The following ERC2 variants were observed in gnomAD, a reference collection of about 807,000 sequenced individuals.
The protein encoded by ERC2 is ELKS/RAB6-interacting/CAST family member 2.
ERC2 carries 42 observed loss-of-function variants against 114.8 expected under a neutral mutation model. The ratio of observed to expected loss-of-function variants is 0.37; its 90% CI spans 0.29 to 0.47. The LOEUF is 0.47. ERC2 is among the 20% of genes least tolerant of loss of function. The probability of loss-of-function intolerance (pLI) is 0.99; values close to 1 mark genes in which losing one functional copy is unlikely to be tolerated. For missense variants in ERC2, 939 were observed against 1,150.7 expected, an observed-to-expected ratio of 0.82 and a Z score of 2.66; for synonymous variants, 454 against 425.5, an observed-to-expected ratio of 1.07 and a Z score of -0.82.
intron 3 of ERC2, among the ~76,000 whole-genome samples, chr3:56,267,067 A>AT (rs950803354): frequency 1.5e-4 from 22 of 151,510 alleles, no homozygotes; most frequent in African/African-American, 3.1e-4. Flanking sequence ...TGGATTTCTG[A>AT]TTTTTTTTTC....
rs565268171 is a variant in ERC2 at position 55,573,172 on chromosome 3, G to A, written c.*40-61896C>T. Among the ~76,000 whole-genome samples, 7 of 152,092 alleles carry A rather than the reference G, an allele frequency of 4.6e-5. 1 individual carries two copies. The South Asian group carries it at 8.3e-4, about 18-fold the overall frequency. On this transcript the variant is annotated intron_variant, in intron 17 of 17. Transcript: ENST00000288221. ...ACAGGACATAACACAGAAAGATGTC[G>A]GTAAGAAATGGGCTTTGGTATGGAA...
At chr3:55,721,594 A>T (rs1363172513) in intron 15 of ERC2, among the ~76,000 whole-genome samples, 2 of 152,224 alleles carry the variant, frequency 1.3e-5, no homozygotes, top group Admixed American at 6.5e-5. Flanking sequence ...GAGCTGCCCA[A>T]GGTTTCTCAG....
At chr3:56,258,577 C>T (rs1247501426) in intron 3 of ERC2, among the ~76,000 whole-genome samples, 2 of 152,204 alleles carry the variant, frequency 1.3e-5, no homozygotes, top group African/African-American at 2.4e-5. Flanking sequence ...TGGCGTGAAC[C>T]CGGGAGGCGG....
chr3:56,285,866 AAGG>A, intron 3 of ERC2, among the ~76,000 whole-genome samples: 1 of 152,276 alleles, frequency 6.6e-6, no homozygotes, highest in Non-Finnish European at 1.5e-5. Flanking sequence ...TTAAAAAGAG[AAGG>A]AGGAGGAGGA....
At chr3:55,776,574 C>T (rs367979315) in intron 14 of ERC2, among the ~76,000 whole-genome samples, 1 of 152,048 alleles carries the variant, frequency 6.6e-6, no homozygotes, top group Non-Finnish European at 1.5e-5. Context: ...AAGAAATAGG[C>T]GTGAGTTACT....
At chr3:56,176,474 A>T (rs116607006) in intron 3 of ERC2, among the ~76,000 whole-genome samples, 1,861 of 152,310 alleles carry the variant, frequency 0.012, 17 homozygotes, top group Non-Finnish European at 0.022. Flanking sequence ...TCTCTTTGCT[A>T]TAATTATACA....
At chr3:56,151,417 T>C (rs2149957894) in intron 4 of ERC2, among the ~76,000 whole-genome samples, 1 of 152,276 alleles carries the variant, frequency 6.6e-6, no homozygotes, top group South Asian at 2.1e-4. Flanking sequence ...AAAGAGCTCA[T>C]ATCTCACATC....
chr3:56,087,585 C>T (rs571545449), intron 6 of ERC2, among the ~76,000 whole-genome samples: 1 of 152,194 alleles, frequency 6.6e-6, no homozygotes, highest in African/African-American at 2.4e-5. Flanking sequence ...AAAATGACTA[C>T]TGCAACACTT....
intron 6 of ERC2, among the ~76,000 whole-genome samples, chr3:56,090,867 T>A (rs1005868690): frequency 2.0e-5 from 3 of 152,114 alleles, no homozygotes; most frequent in Middle Eastern, 3.4e-3. Flanking sequence ...TAAGTAGCGA[T>A]GAGAACCCAC....
At chr3:55,943,615 A>T (rs1466892386) in intron 13 of ERC2, among the ~76,000 whole-genome samples, 1 of 152,182 alleles carries the variant, frequency 6.6e-6, no homozygotes, top group Non-Finnish European at 1.5e-5. Context: ...CCTCATCTAT[A>T]AAATAAAGAT....
Position 55,950,482 on chromosome 3 carries a change from T to G in ERC2, c.2346A>C (p.Leu782Phe). 1 of 1,614,036 alleles carries G rather than the reference T, an allele frequency of 6.2e-7. No homozygotes were observed. The highest frequency in any genetic ancestry group is 8.5e-7 in the Non-Finnish European group (1 of 1,179,890). The change falls in exon 13 of 18, where the codon TTA (leucine) becomes TTC (phenylalanine). Residue 782 changes from leucine to phenylalanine, a missense_variant. This residue lies in a region of ERC2 where 328 missense variants were observed against 353.9 expected (regional missense o/e 0.93). Coordinates refer to ENST00000288221, the MANE Select transcript of ERC2 (RefSeq NM_015576.3). ...QQLEKKKNAQLLEEVRRREDS... is the reference protein window; with the variant it reads ...QQLEKKKNAQFLEEVRRREDS... Reference sequence around the variant, plus strand: ...CTTCTCGCCTGCGCACTTCTTCTAGTAACTGAGCATTTTTCTTCTTTTCCA... The same window carrying G: ...CTTCTCGCCTGCGCACTTCTTCTAGGAACTGAGCATTTTTCTTCTTTTCCA...
chr3:55,697,521 C>A (rs1576187607), intron 16 of ERC2, among the ~76,000 whole-genome samples: 1 of 152,098 alleles, frequency 6.6e-6, no homozygotes, highest in Non-Finnish European at 1.5e-5. Flanking sequence ...ACAAGACACC[C>A]TAGTTTGTGA....
At position 56,324,505 on chromosome 3, in the gene ERC2, G is replaced by T. The variant is rs75861123; in HGVS notation, c.658-28070C>A. 1.1e-4 allele frequency among the ~76,000 whole-genome samples: 16 copies of T among 152,254 alleles called. No homozygotes were observed. In the East Asian group the frequency reaches 3.1e-3, roughly 29 times the overall value. ...AACACTGACATTAGCCTACAGTCGG[G>T]CAATGCATACTTGCACCATCATAAA... On this transcript the variant is annotated intron_variant, in intron 2 of 17. Coordinates refer to ENST00000288221, the MANE Select transcript of ERC2 (RefSeq NM_015576.3).
Position 56,375,454 on chromosome 3 carries a change from C to T in ERC2, c.657+58897G>A, listed in dbSNP as rs563501616. On this transcript the variant is annotated intron_variant, in intron 2 of 17. Coordinates refer to ENST00000288221, the MANE Select transcript of ERC2 (RefSeq NM_015576.3). ...TTTTTGTTGAGGTTGAGCCTATTGC[C>T]TCATTCATTCCTTCAACAAATTTGT... Among the ~76,000 whole-genome samples the T allele has an allele frequency of 2.1e-4, 32 of 152,288 alleles. No homozygotes were observed. In the South Asian group the frequency reaches 6.6e-3, roughly 32 times the overall value.
At chr3:56,075,055 G>A (rs1301895774) in intron 7 of ERC2, among the ~76,000 whole-genome samples, 1 of 152,158 alleles carries the variant, frequency 6.6e-6, no homozygotes, top group Non-Finnish European at 1.5e-5. Flanking sequence ...ATTCACCAAA[G>A]GGATGCATAA....
At chr3:56,344,927 A>G (rs1371858980) in intron 2 of ERC2, among the ~76,000 whole-genome samples, 1 of 152,230 alleles carries the variant, frequency 6.6e-6, no homozygotes, top group African/African-American at 2.4e-5. Context: ...ATGAAAACCA[A>G]TGTACCAGTT....
chr3:56,361,871 C>T (rs1054088438), intron 2 of ERC2, among the ~76,000 whole-genome samples: 1 of 152,224 alleles, frequency 6.6e-6, no homozygotes, highest in African/African-American at 2.4e-5. Context: ...AACACTGAGA[C>T]CTGCAGTAAC....
chr3:55,922,363 T>C lies in ERC2; in HGVS notation c.2403+28062A>G, dbSNP rs556623830. 5.3e-5 allele frequency among the ~76,000 whole-genome samples: 8 copies of C among 152,130 alleles called. No homozygotes were observed. In the South Asian group the frequency reaches 1.7e-3, roughly 32 times the overall value. On this transcript the variant is annotated intron_variant, in intron 13 of 17. Transcript: ENST00000288221. ...GAAAAAAAAAATTGTCCTAAAAATG[T>C]CACTTGTGGGTTTTGAGGCTTTGGA...
At chr3:56,464,888 A>G (rs537585649) in intron 1 of ERC2, among the ~76,000 whole-genome samples, 3 of 148,170 alleles carry the variant, frequency 2.0e-5, no homozygotes, top group Non-Finnish European at 3.0e-5. Context: ...AGAAAAAAGA[A>G]AAAAAAAAAG....
Sources: gnomAD v4.1 joint callset for allele counts (sites outside exome capture counted in the v4.1 genomes callset) on GRCh38, gnomAD v4.1.1 for gene constraint, gnomAD v4.1.1 regional missense constraint, MANE v1.5 for transcripts, NCBI Gene and HGNC (gene_info 2026-07-23, HGNC 2026-07-21) for gene names.